Variants in CDH13 observed in about 807,000 individuals in gnomAD.
CDH13 encodes the protein cadherin-13.
CDH13 carries 24 observed loss-of-function variants against 63.8 expected under a neutral mutation model. The observed-to-expected ratio is 0.38, with a 90% CI of 0.27 to 0.53. CDH13 has a LOEUF of 0.53. Ranked by LOEUF, CDH13 falls within the 20% of genes least tolerant of loss-of-function variation. The probability of loss-of-function intolerance (pLI) is 0.85; values close to 1 mark genes in which losing one functional copy is unlikely to be tolerated. For synonymous variants in CDH13, 503 were observed against 355.3 expected (o/e 1.42, Z -4.67); for missense variants, 1,049 against 903.1 (o/e 1.16, Z -2.07).
chr16:83,724,853 G>T (rs554319179), intron 10 of CDH13, among the ~76,000 whole-genome samples: 35 of 152,258 alleles, frequency 2.3e-4, no homozygotes, highest in African/African-American at 5.5e-4. Flanking sequence ...CCTTGAGATG[G>T]CCTTTGGGTA....
chr16:82,719,710 G>C lies in CDH13; in HGVS notation c.45+92573G>C, dbSNP rs554660259. ...AAAATACAAAATTTATCTGGGTGTGGTGGTGGGTGTCTATAATCCCGGCTA... is the reference window on the plus strand; with the variant it reads ...AAAATACAAAATTTATCTGGGTGTGCTGGTGGGTGTCTATAATCCCGGCTA... On this transcript the variant is annotated intron_variant, in intron 1 of 13. Transcript: ENST00000567109. 2.0e-5 allele frequency among the ~76,000 whole-genome samples: 3 copies of C among 152,124 alleles called. No homozygotes were observed. In the South Asian group the frequency reaches 6.2e-4, roughly 32 times the overall value.
chr16:83,734,584 G>C (rs977205546), intron 10 of CDH13, among the ~76,000 whole-genome samples: 2 of 151,710 alleles, frequency 1.3e-5, no homozygotes, highest in African/African-American at 4.9e-5. Flanking sequence ...GACTGTTGTG[G>C]GGTGGGGGAA....
chr16:83,617,326 C>A (rs546451024), intron 8 of CDH13, among the ~76,000 whole-genome samples: 1 of 152,090 alleles, frequency 6.6e-6, no homozygotes, highest in Non-Finnish European at 1.5e-5. Flanking sequence ...TACCTGTATA[C>A]CATTATATGC....
At chr16:82,833,300 C>T (rs1003288450) in intron 1 of CDH13, among the ~76,000 whole-genome samples, 2 of 152,218 alleles carry the variant, frequency 1.3e-5, no homozygotes, top group African/African-American at 4.8e-5. Flanking sequence ...TCGAATGATC[C>T]TGCAAAATAA....
intron 4 of CDH13, among the ~76,000 whole-genome samples, chr16:83,211,263 T>G (rs1358799974): frequency 6.6e-6 from 1 of 152,206 alleles, no homozygotes; most frequent in East Asian, 1.9e-4. Flanking sequence ...AATGTTCCAT[T>G]TTTACGTAAG....
rs563377656 is a variant in CDH13, at chr16:83,618,419, CAAA to C, written c.1101+15838_1101+15840del. Among the ~76,000 whole-genome samples the C allele has an allele frequency of 1.6e-3, 163 of 99,068 alleles. 4 individuals carry two copies. In the South Asian group the frequency reaches 0.049, roughly 30 times the overall value. The allele number at this position is 99,068 out of a possible 152,430, so 65.0% of individuals were successfully genotyped here. Reference sequence around the variant, plus strand: ...TAGCCTGGAGAACAGAGAGAGACTCCAAAAAAAAAAAAAAAGAAAAAGAAAAGC... The same window carrying C: ...TAGCCTGGAGAACAGAGAGAGACTCCAAAAAAAAAAAAGAAAAAGAAAAGC... On this transcript the variant is annotated intron_variant, in intron 8 of 13. Coordinates refer to ENST00000567109, the MANE Select transcript of CDH13 (RefSeq NM_001257.5).
At chr16:82,678,710 A>G (rs10514555) in intron 1 of CDH13, among the ~76,000 whole-genome samples, 26,267 of 152,168 alleles carry the variant, frequency 0.17, 2,751 homozygotes, top group East Asian at 0.41. Context: ...AAGAGTACAC[A>G]GTTTAAGGAG....
At chr16:83,242,791 G>A (rs971622916) in intron 5 of CDH13, among the ~76,000 whole-genome samples, 1 of 152,210 alleles carries the variant, frequency 6.6e-6, no homozygotes, top group Non-Finnish European at 1.5e-5. Context: ...GATGGAGAAT[G>A]ACTGTCAGTT....
At chr16:83,148,913 A>T (rs1169343801) in intron 4 of CDH13, among the ~76,000 whole-genome samples, 1 of 152,226 alleles carries the variant, frequency 6.6e-6, no homozygotes, top group Non-Finnish European at 1.5e-5. Context: ...AGTAGCCTAA[A>T]GAAAATCTTA....
chr16:83,772,724 T>G (rs916990537), intron 11 of CDH13: 2 of 152,354 alleles, frequency 1.3e-5, no homozygotes, highest in Non-Finnish European at 2.9e-5. Context: ...TTATCATTCA[T>G]TTTTGGAACC....
intron 2 of CDH13, among the ~76,000 whole-genome samples, chr16:83,025,746 T>C (rs1915742503): frequency 1.3e-5 from 2 of 152,118 alleles, no homozygotes; most frequent in East Asian, 3.9e-4. Context: ...GAAATAACAG[T>C]TGCTGGCATG....
chr16:82,705,930 T>C (rs2031450484), intron 1 of CDH13, among the ~76,000 whole-genome samples: 1 of 152,194 alleles, frequency 6.6e-6, no homozygotes, highest in Admixed American at 6.5e-5. Context: ...AGTGGTGTTT[T>C]CCTTCGTGAG....
chr16:83,710,654 A>T (rs912118670), intron 10 of CDH13: 7 of 152,070 alleles, frequency 4.6e-5, no homozygotes, highest in African/African-American at 9.7e-5. Context: ...CAGCCATAAG[A>T]CCTCGAGAAA....
intron 4 of CDH13, among the ~76,000 whole-genome samples, chr16:83,158,750 C>T (rs541509830): frequency 2.1e-4 from 32 of 152,300 alleles, no homozygotes; most frequent in Admixed American, 1.8e-3. Flanking sequence ...CACCCTTGCT[C>T]GAGTCACTGA....
intron 13 of CDH13, among the ~76,000 whole-genome samples, chr16:83,784,408 G>T (rs1245898958): frequency 6.6e-6 from 1 of 152,104 alleles, no homozygotes; most frequent in Non-Finnish European, 1.5e-5. Context: ...GAGGTGGGTG[G>T]ATCATCTGAG....
At chr16:82,790,058 G>T (rs372607863) in intron 1 of CDH13, among the ~76,000 whole-genome samples, 1 of 152,112 alleles carries the variant, frequency 6.6e-6, no homozygotes, top group Non-Finnish European at 1.5e-5. Context: ...GTGCTATAGG[G>T]GGGTGCTGAT....
At chr16:83,358,856 A>G (rs550536275) in intron 6 of CDH13, among the ~76,000 whole-genome samples, 1 of 152,160 alleles carries the variant, frequency 6.6e-6, no homozygotes, top group Admixed American at 6.5e-5. Flanking sequence ...GTTAAAAAAA[A>G]CCCCACTGCC....
At chr16:83,262,047 C>G (rs1033253606) in intron 5 of CDH13, among the ~76,000 whole-genome samples, 1 of 152,196 alleles carries the variant, frequency 6.6e-6, no homozygotes, top group Non-Finnish European at 1.5e-5. Context: ...CAGCTGTCTT[C>G]ACGCTGGCAC....
chr16:83,584,775 CT>C (rs1213040569), intron 7 of CDH13, among the ~76,000 whole-genome samples: 3 of 152,196 alleles, frequency 2.0e-5, no homozygotes, highest in Non-Finnish European at 4.4e-5. Context: ...GCCCATGGTT[CT>C]GCAGGTTGTA....
Sources: gnomAD v4.1 joint callset for allele counts (sites outside exome capture counted in the v4.1 genomes callset) on GRCh38, gnomAD v4.1.1 for gene constraint, MANE v1.5 for transcripts, NCBI Gene and HGNC (gene_info 2026-07-23, HGNC 2026-07-21) for gene names.